The following SEMA6D variants were observed in gnomAD, a reference collection of about 807,000 sequenced individuals.
SEMA6D encodes semaphorin-6D.
A neutral mutation model predicts 106.6 loss-of-function variants in SEMA6D; 35 were observed. The ratio of observed to expected loss-of-function variants is 0.33; its 90% CI spans 0.25 to 0.44. The LOEUF (loss-of-function observed/expected upper bound fraction) is 0.44, where lower values mean the gene tolerates loss of function less well. SEMA6D is among the 20% of genes least tolerant of loss of function. SEMA6D has a pLI of 1.00. For synonymous variants in SEMA6D, 499 were observed against 487.7 expected (o/e 1.02, Z -0.31); for missense variants, 1,185 against 1,345.9 (o/e 0.88, Z 1.87).
At chr15:47,371,934 A>C (rs2039286968) in intron 1 of SEMA6D, among the ~76,000 whole-genome samples, 1 of 152,240 alleles carries the variant, frequency 6.6e-6, no homozygotes, top group Non-Finnish European at 1.5e-5. Flanking sequence ...ATGAGGAAAT[A>C]GAAGCTTAGC....
chr15:47,422,877 T>C (rs2041217351), intron 2 of SEMA6D, among the ~76,000 whole-genome samples: 1 of 152,120 alleles, frequency 6.6e-6, no homozygotes, highest in Admixed American at 6.6e-5. Flanking sequence ...GTTATTTTTA[T>C]TAGCCTGAAC....
intron 2 of SEMA6D, among the ~76,000 whole-genome samples, chr15:47,454,010 C>T (rs906200951): frequency 2.0e-5 from 3 of 151,864 alleles, no homozygotes; most frequent in African/African-American, 4.8e-5. Context: ...AATGATCAAG[C>T]AAAAGCATAC....
intron 1 of SEMA6D, among the ~76,000 whole-genome samples, chr15:47,307,222 T>G (rs1437760878): frequency 6.6e-6 from 1 of 152,262 alleles, no homozygotes; most frequent in East Asian, 1.9e-4. Flanking sequence ...TATCTGTTAC[T>G]ATTAACAAAT....
chr15:47,583,464 C>T (rs1176793073), intron 3 of SEMA6D, among the ~76,000 whole-genome samples: 1 of 152,044 alleles, frequency 6.6e-6, no homozygotes, highest in Non-Finnish European at 1.5e-5. Context: ...GTAGTCAGGG[C>T]TGGAAGTTGT....
chr15:47,189,753 A>G (rs976609790), intron 1 of SEMA6D, among the ~76,000 whole-genome samples: 1 of 152,256 alleles, frequency 6.6e-6, no homozygotes, highest in Non-Finnish European at 1.5e-5. Context: ...ACTGAAACGA[A>G]CTATCAAACA....
Position 47,771,779 on chromosome 15 carries a change from A to T in SEMA6D, c.3216A>T (p.Thr1072=). Residue 1072 remains threonine (T), a synonymous_variant, in exon 19 of 19, where the codon ACA becomes ACT. Transcript: ENST00000536845. ...TPSVRPLNKY[T]Y is the part of the protein sequence containing the mutation. ...CTGTCAGACCACTGAACAAATACAC[A>T]TACTAGGCCTCAAGTGTGCTATTCC... 6.2e-7 allele frequency: 1 copy of T among 1,612,036 alleles called. No individual in the cohort carries two copies. Among genetic ancestry groups the T allele is most frequent in the Admixed American group, 1.7e-5 (1 of 59,962 alleles).
chr15:47,291,426 C>T (rs1242192524), intron 1 of SEMA6D, among the ~76,000 whole-genome samples: 1 of 152,202 alleles, frequency 6.6e-6, no homozygotes, highest in Non-Finnish European at 1.5e-5. Flanking sequence ...AGAACTCCAG[C>T]ACTGGACTCT....
At chr15:47,307,759 CT>C (rs2036285431) in intron 1 of SEMA6D, among the ~76,000 whole-genome samples, 2 of 152,204 alleles carry the variant, frequency 1.3e-5, no homozygotes, top group Admixed American at 6.5e-5. Flanking sequence ...CCTTCATTTT[CT>C]AAATGTCTTT....
At chr15:47,378,190 A>G (rs2039514831) in intron 1 of SEMA6D, among the ~76,000 whole-genome samples, 2 of 152,096 alleles carry the variant, frequency 1.3e-5, no homozygotes, top group African/African-American at 4.8e-5. Context: ...AATCAAACCC[A>G]CATTCTCAAT....
intron 1 of SEMA6D, among the ~76,000 whole-genome samples, chr15:47,325,257 T>A (rs36124208): frequency 6.6e-6 from 1 of 151,540 alleles, no homozygotes; most frequent in African/African-American, 2.4e-5. Flanking sequence ...CACTGCAACC[T>A]CCACCTCCCG....
At chr15:47,410,864 T>G (rs60781225) in intron 1 of SEMA6D, among the ~76,000 whole-genome samples, 1,587 of 152,278 alleles carry the variant, frequency 0.01, 30 homozygotes, top group African/African-American at 0.036. Flanking sequence ...AATACTACCC[T>G]AAATGATTCT....
At chr15:47,638,129 T>C (rs1020325556) in intron 4 of SEMA6D, among the ~76,000 whole-genome samples, 13 of 152,152 alleles carry the variant, frequency 8.5e-5, no homozygotes, top group Non-Finnish European at 1.8e-4. Context: ...AAAAACCCAA[T>C]TTCTTAATTC....
intron 1 of SEMA6D, among the ~76,000 whole-genome samples, chr15:47,254,092 G>A (rs1329969038): frequency 6.6e-6 from 1 of 151,110 alleles, no homozygotes; most frequent in Admixed American, 6.6e-5. Flanking sequence ...TTATTGCTAG[G>A]TGTTTTTTTT....
intron 1 of SEMA6D, among the ~76,000 whole-genome samples, chr15:47,356,271 T>C (rs879510025): frequency 2.6e-5 from 4 of 152,208 alleles, no homozygotes; most frequent in Non-Finnish European, 5.9e-5. Context: ...TAATAACTAC[T>C]AGGTTTCTAC....
chr15:47,539,047 A>G (rs2045271463), intron 3 of SEMA6D, among the ~76,000 whole-genome samples: 1 of 152,216 alleles, frequency 6.6e-6, no homozygotes, highest in Non-Finnish European at 1.5e-5. Flanking sequence ...CTGTGACTTA[A>G]GCTTCAGGGA....
At chr15:47,631,653 C>T (rs1157633506) in intron 4 of SEMA6D, among the ~76,000 whole-genome samples, 3 of 151,852 alleles carry the variant, frequency 2.0e-5, no homozygotes, top group Non-Finnish European at 3.0e-5. Flanking sequence ...AGACACTAAA[C>T]TGCTGATGTT....
At chr15:47,287,744 A>C (rs144926032) in intron 1 of SEMA6D, among the ~76,000 whole-genome samples, 297 of 152,260 alleles carry the variant, frequency 2.0e-3, no homozygotes, top group African/African-American at 7.0e-3. Flanking sequence ...ACTTATTCAC[A>C]TTCACTTCAT....
At chr15:47,551,081 C>T (rs560855105) in intron 3 of SEMA6D, among the ~76,000 whole-genome samples, 29 of 152,160 alleles carry the variant, frequency 1.9e-4, no homozygotes, top group Non-Finnish European at 3.4e-4. Flanking sequence ...TTGCACCTGA[C>T]ACCTCCAGTT....
chr15:47,215,488 T>C (rs1243615525), intron 1 of SEMA6D, among the ~76,000 whole-genome samples: 1 of 152,162 alleles, frequency 6.6e-6, no homozygotes, highest in Non-Finnish European at 1.5e-5. Flanking sequence ...TTTGTTCAGA[T>C]ACTGTTTTAT....
Sources: allele counts gnomAD v4.1 joint callset (sites outside exome capture counted in the v4.1 genomes callset), GRCh38; gene constraint gnomAD v4.1.1; transcripts MANE v1.5; gene names NCBI Gene and HGNC (gene_info 2026-07-23, HGNC 2026-07-21).